Variants in SLC4A4 observed in about 807,000 individuals in gnomAD.
The protein encoded by SLC4A4 is solute carrier family 4 member 4.
SLC4A4 carries 27 observed loss-of-function variants against 111.5 expected under a neutral mutation model. The observed-to-expected ratio is 0.24, with a 90% CI of 0.18 to 0.33. The LOEUF is 0.33. SLC4A4 is among the 10% of genes least tolerant of loss of function. The pLI, the probability that SLC4A4 is intolerant of heterozygous loss-of-function variation, is 1.00. For synonymous variants in SLC4A4, 443 were observed against 463.4 expected (o/e 0.96, Z 0.57); for missense variants, 909 against 1,315.5 (o/e 0.69, Z 4.78).
chr4:71,491,921 C>G (rs1161481290), intron 15 of SLC4A4, among the ~76,000 whole-genome samples: 1 of 151,542 alleles, frequency 6.6e-6, no homozygotes, highest in African/African-American at 2.4e-5. Flanking sequence ...CACTGAGGAT[C>G]TACTGTAATA....
intron 6 of SLC4A4, among the ~76,000 whole-genome samples, chr4:71,361,087 G>A (rs761476020): frequency 4.6e-5 from 7 of 152,100 alleles, no homozygotes; most frequent in South Asian, 2.1e-4. Context: ...ACCCCAGTGC[G>A]CACTCCTCCC....
intron 16 of SLC4A4, among the ~76,000 whole-genome samples, chr4:71,522,051 G>T (rs1483801556): frequency 1.2e-4 from 18 of 151,916 alleles, no homozygotes. Context: ...TGTCTATCAG[G>T]TATTTAATTT....
chr4:71,132,695 A>G (rs1743739314), intron 2 of SLC4A4, among the ~76,000 whole-genome samples: 3 of 152,196 alleles, frequency 2.0e-5, no homozygotes, highest in African/African-American at 7.2e-5. Context: ...AGTAAGATGA[A>G]GAAAAAAATC....
chr4:71,194,368 T>TC (rs1438308315), intron 1 of SLC4A4, among the ~76,000 whole-genome samples: 1 of 152,216 alleles, frequency 6.6e-6, no homozygotes, highest in Non-Finnish European at 1.5e-5. Flanking sequence ...TGAGAACAGT[T>TC]CCTGGCATAT....
At chr4:71,442,899 C>T (rs1724854842) in intron 8 of SLC4A4, among the ~76,000 whole-genome samples, 1 of 151,868 alleles carries the variant, frequency 6.6e-6, no homozygotes, top group Non-Finnish European at 1.5e-5. Flanking sequence ...CCTCCACTTA[C>T]AGCTGGATGA....
At chr4:71,296,209 A>G (rs542262898) in intron 3 of SLC4A4, among the ~76,000 whole-genome samples, 98 of 152,272 alleles carry the variant, frequency 6.4e-4, no homozygotes, top group African/African-American at 2.3e-3. Context: ...AAAAAGCTAT[A>G]TGATACAGAG....
chr4:71,337,106 A>T (rs1728490672), intron 3 of SLC4A4, among the ~76,000 whole-genome samples: 2 of 152,200 alleles, frequency 1.3e-5, no homozygotes, highest in South Asian at 4.1e-4. Context: ...GTCAATGATC[A>T]TTATGCACAC....
rs1408308184 is a variant in SLC4A4, at chr4:71,255,147, G to A, written c.74-73G>A. Reference sequence around the variant, plus strand: ...ATTTATAGACATTTTCTTCTGATCTGTGTATCTTGTGCAATTTGTCTGCAG... The same window carrying A: ...ATTTATAGACATTTTCTTCTGATCTATGTATCTTGTGCAATTTGTCTGCAG... On this transcript the variant is annotated intron_variant, in intron 2 of 25. Coordinates refer to ENST00000264485, the MANE Select transcript of SLC4A4 (RefSeq NM_001098484.3). 4.2e-5 allele frequency: 55 copies of A among 1,300,596 alleles called. No homozygotes were observed. In the South Asian group the frequency reaches 6.3e-4, roughly 15 times the overall value. The allele number at this position is 1,300,596 out of a possible 1,614,324, so 80.6% of individuals were successfully genotyped here. A position where few individuals can be genotyped will look rare whatever the true frequency, so the allele number is the denominator to read the frequency against.
intron 7 of SLC4A4, among the ~76,000 whole-genome samples, chr4:71,439,469 A>G (rs905291903): frequency 7.1e-6 from 1 of 139,960 alleles, no homozygotes; most frequent in African/African-American, 2.6e-5. Context: ...AAAAAAAAAA[A>G]AAGAAAAGAA....
At chr4:71,395,900 G>T (rs1251733339) in intron 6 of SLC4A4, among the ~76,000 whole-genome samples, 1 of 152,122 alleles carries the variant, frequency 6.6e-6, no homozygotes, top group African/African-American at 2.4e-5. Flanking sequence ...ATTGCTTTAG[G>T]ATTGTATAAT....
intron 2 of SLC4A4, among the ~76,000 whole-genome samples, chr4:71,119,818 G>A (rs1266257241): frequency 4.6e-5 from 7 of 152,042 alleles, no homozygotes; most frequent in East Asian, 1.9e-4. Context: ...TCTCTCAAAC[G>A]CTGTAGTATG....
chr4:71,316,384 A>T (rs1218999155), intron 3 of SLC4A4, among the ~76,000 whole-genome samples: 1 of 152,142 alleles, frequency 6.6e-6, no homozygotes, highest in Non-Finnish European at 1.5e-5. Context: ...CAAATGTTTT[A>T]ATAGGAATGG....
At chr4:71,343,792 C>G (rs1474913028) in intron 4 of SLC4A4, among the ~76,000 whole-genome samples, 1 of 152,158 alleles carries the variant, frequency 6.6e-6, no homozygotes, top group Non-Finnish European at 1.5e-5. Context: ...GCCATCATCT[C>G]TTTGACCTTG....
rs908042287 is a variant in SLC4A4 at position 71,482,258 on chromosome 4, C to G, written c.1904-4690C>G. 7.3e-5 allele frequency among the ~76,000 whole-genome samples: 11 copies of G among 151,712 alleles called. No homozygotes were observed. The East Asian group carries it at 2.2e-3, about 30-fold the overall frequency. ...ACTGCTTTTTAAATGTATTTATTTT[C>G]AAGTCTTTCTTCTGAAGCAGATACT... On this transcript the variant is annotated intron_variant, in intron 14 of 25. Coordinates refer to ENST00000264485, the MANE Select transcript of SLC4A4 (RefSeq NM_001098484.3).
intron 11 of SLC4A4, 31 bp downstream of exon 11, chr4:71,451,332 T>A (rs757772638): frequency 7.6e-7 from 1 of 1,324,200 alleles, no homozygotes; most frequent in Non-Finnish European, 1.1e-6. Flanking sequence ...CCATTCATGA[T>A]GAGGTTCTCC....
intron 2 of SLC4A4, among the ~76,000 whole-genome samples, chr4:71,124,444 A>G (rs1415846406): frequency 1.3e-5 from 2 of 152,174 alleles, no homozygotes; most frequent in Admixed American, 1.3e-4. Flanking sequence ...TGCTGGGATT[A>G]CGGGCATGAG....
chr4:71,336,581 A>AT (rs59409165), intron 3 of SLC4A4, among the ~76,000 whole-genome samples: 2 of 151,782 alleles, frequency 1.3e-5, no homozygotes, highest in African/African-American at 2.4e-5. Flanking sequence ...CAGAGCATGC[A>AT]TTTTTTTTCA....
chr4:71,389,183 T>G (rs1719041403), intron 6 of SLC4A4, among the ~76,000 whole-genome samples: 1 of 152,214 alleles, frequency 6.6e-6, no homozygotes. Flanking sequence ...GAAGCCTAAT[T>G]GATGCAGGTA....
intron 1 of SLC4A4, among the ~76,000 whole-genome samples, chr4:71,194,852 C>A (rs1275462250): frequency 1.3e-5 from 2 of 152,056 alleles, no homozygotes; most frequent in Admixed American, 1.3e-4. Flanking sequence ...TTTTATAGTA[C>A]CTTTTCAGCT....
Sources: gnomAD v4.1 joint callset for allele counts (sites outside exome capture counted in the v4.1 genomes callset) on GRCh38, gnomAD v4.1.1 for gene constraint, MANE v1.5 for transcripts, NCBI Gene and HGNC (gene_info 2026-07-23, HGNC 2026-07-21) for gene names.